MYOF: variants seen among roughly 807,000 people sequenced by gnomAD.
The protein encoded by MYOF is myoferlin, also known as fer-1-like 3, myoferlin.
MYOF carries 244 observed loss-of-function variants against 284.2 expected under a neutral mutation model. The observed-to-expected ratio is 0.86, with a 90% CI of 0.77 to 0.95. The LOEUF is 0.95. Ranked by LOEUF, MYOF falls within the 40% of genes least tolerant of loss-of-function variation. MYOF has a pLI of 0.00. For synonymous variants in MYOF, 904 were observed against 919.7 expected, an observed-to-expected ratio of 0.98 and a Z score of 0.31; for missense variants, 2,496 against 2,560.6, an observed-to-expected ratio of 0.97 and a Z score of 0.54.
At chr10:93,457,764 C>T (rs1341192307) in intron 1 of MYOF, among the ~76,000 whole-genome samples, 4 of 146,692 alleles carry the variant, frequency 2.7e-5, no homozygotes, top group Non-Finnish European at 4.5e-5. Context: ...GACAGGGTCT[C>T]GCGAGGTCGC....
At chr10:93,481,061 T>C (rs1167845922) in intron 1 of MYOF, among the ~76,000 whole-genome samples, 1 of 152,016 alleles carries the variant, frequency 6.6e-6, no homozygotes, top group Non-Finnish European at 1.5e-5. Context: ...ACAAACAAAA[T>C]AGATAAAGCC....
In MYOF at chr10:93,408,770, C is replaced by A; in HGVS notation, c.729+17G>T. 1 of 1,613,960 alleles carries A rather than the reference C, an allele frequency of 6.2e-7. No homozygotes were observed. The highest frequency in any genetic ancestry group is 1.1e-5 in the South Asian group (1 of 91,054). ...GTGGGACTCATGAGCAGAAACATGCCCTCTCAACCCCTTTACCTCATCAAA... is the reference window on the plus strand; with the variant it reads ...GTGGGACTCATGAGCAGAAACATGCACTCTCAACCCCTTTACCTCATCAAA... On this transcript the variant is annotated intron_variant, in intron 7 of 53. Coordinates refer to ENST00000359263, the MANE Select transcript of MYOF (RefSeq NM_013451.4).
chr10:93,366,699 T>C, intron 25 of MYOF, 144 bp from the exon 26 acceptor site: 2 of 642,374 alleles, frequency 3.1e-6, no homozygotes, highest in Non-Finnish European at 5.2e-6. Flanking sequence ...GGTATGGACC[T>C]AACTTGAGCT....
At chr10:93,415,437 T>C (rs958194111) in intron 5 of MYOF, among the ~76,000 whole-genome samples, 41 of 152,200 alleles carry the variant, frequency 2.7e-4, no homozygotes, top group African/African-American at 8.2e-4. Flanking sequence ...CCCAAAACTT[T>C]CCTGAATCCT....
intron 35 of MYOF, among the ~76,000 whole-genome samples, chr10:93,350,376 G>T (rs533520123): frequency 6.6e-6 from 1 of 151,736 alleles, no homozygotes; most frequent in Admixed American, 6.6e-5. Context: ...ACAGTGGCAC[G>T]AACTAGGCTC....
rs917340345 is a variant in MYOF, at chr10:93,322,839, CAAAG to C, written c.5456+235_5456+238del. 5.9e-5 allele frequency among the ~76,000 whole-genome samples: 9 copies of C among 152,212 alleles called. No individual in the cohort carries two copies. In the East Asian group the frequency reaches 1.4e-3, roughly 23 times the overall value. On this transcript the variant is annotated intron_variant, in intron 48 of 53. Coordinates refer to ENST00000359263, the MANE Select transcript of MYOF (RefSeq NM_013451.4). Reference sequence around the variant, plus strand: ...AAAATCCATTTTGTCAAAAAGGAAACAAAGAAATATTTATCAGTTCTTATAATCC... The same window carrying C: ...AAAATCCATTTTGTCAAAAAGGAAACAAATATTTATCAGTTCTTATAATCC...
chr10:93,333,436 C>A, intron 42 of MYOF, 124 bp from the exon 43 acceptor site: 1 of 881,474 alleles, frequency 1.1e-6, no homozygotes, highest in South Asian at 1.5e-5. Flanking sequence ...CGCCATGGCA[C>A]CCCGTGCCTA....
intron 2 of MYOF, among the ~76,000 whole-genome samples, chr10:93,452,579 T>A (rs570399119): frequency 2.5e-4 from 34 of 137,100 alleles, no homozygotes; most frequent in Admixed American, 1.5e-3. Context: ...GGGGGAGGGA[T>A]AGCATTAGGA....
chr10:93,464,281 C>T (rs1272575987), intron 1 of MYOF, among the ~76,000 whole-genome samples: 2 of 152,196 alleles, frequency 1.3e-5, no homozygotes, highest in Admixed American at 6.5e-5. Context: ...CTGGCCCGCC[C>T]TGCAAATTTC....
At position 93,482,135 on chromosome 10, in the gene MYOF, C is replaced by T. The variant is rs765518488; in HGVS notation, c.60G>A (p.Pro20=). The change falls in exon 1 of 54, where the codon CCG becomes CCA. Residue 20 remains proline (P), a synonymous_variant. Coordinates refer to ENST00000359263, the MANE Select transcript of MYOF (RefSeq NM_013451.4). ...SNIPKTKFGK[P]DPIVSVIFKD... Reference sequence around the variant, plus strand: ...TAAAAATGACAGAAACAATAGGATCCGGCTTGCCAAATTTCGTTTTAGGGA... The same window carrying T: ...TAAAAATGACAGAAACAATAGGATCTGGCTTGCCAAATTTCGTTTTAGGGA... 1.8e-5 allele frequency: 29 copies of T among 1,614,036 alleles called. No homozygotes were observed. In the South Asian group the frequency reaches 2.3e-4, roughly 13 times the overall value.
At position 93,337,901 on chromosome 10, in the gene MYOF, C is replaced by T. The variant is rs747022058; in HGVS notation, c.4351G>A (p.Val1451Met). 28 of 1,613,558 alleles carry T rather than the reference C, an allele frequency of 1.7e-5. No individual in the cohort carries two copies. Among genetic ancestry groups the T allele is most frequent in the South Asian group, 7.7e-5 (7 of 91,050 alleles). ...SKLTEKEEEI[V>M]DWWSKFYASS... ...GCATAAAATTTACTCCACCAGTCCA[C>T]GATTTCTTCCTCCTAAAGACATGCC... is the stretch of plus-strand genomic sequence containing the variant. The change falls in exon 40 of 54, where the codon GTG becomes ATG. Residue 1451 changes from valine (V) to methionine (M), a missense_variant. Physicochemically the swap from Val to Met is conservative, Grantham distance 21. Transcript: ENST00000359263.
chr10:93,400,719 A>T (rs754711686), intron 12 of MYOF, among the ~76,000 whole-genome samples: 3 of 152,152 alleles, frequency 2.0e-5, no homozygotes, highest in Non-Finnish European at 4.4e-5. Flanking sequence ...CAGAGGGATA[A>T]CCACACTAGT....
Position 93,381,269 on chromosome 10 carries a change from G to A in MYOF, c.1826C>T (p.Thr609Ile), listed in dbSNP as rs1282189695. The A allele has an allele frequency of 3.7e-6, 6 of 1,614,100 alleles. No individual in the cohort carries two copies. The Admixed American group carries it at 1.0e-4, about 27-fold the overall frequency. Residue 609 changes from threonine to isoleucine, a missense_variant, in exon 20 of 54, where the codon ACC becomes ATC. Transcript: ENST00000359263. Reference protein sequence around the residue: ...IGNYGNKFDTTCKPLASTTQY... With the variant: ...IGNYGNKFDTICKPLASTTQY... ...AGTTGTTGATGCCAAAGGCTTACAG[G>A]TGGTGTCAAACTTGTTGCCATAGTT...
At chr10:93,356,038 G>C (rs1356503959) in intron 30 of MYOF, among the ~76,000 whole-genome samples, 3 of 152,088 alleles carry the variant, frequency 2.0e-5, no homozygotes, top group African/African-American at 7.2e-5. Context: ...GGATAAACAG[G>C]GAGTAAAAGG....
chr10:93,316,504 C>T (rs1221568245), intron 50 of MYOF, among the ~76,000 whole-genome samples: 1 of 151,958 alleles, frequency 6.6e-6, no homozygotes, highest in Non-Finnish European at 1.5e-5. Context: ...GGTGCAAGAC[C>T]CTCACCAGAG....
chr10:93,369,082 C>CTCTATTGTTTTAGAAGT (rs1845455904), intron 25 of MYOF, among the ~76,000 whole-genome samples: 1 of 119,876 alleles, frequency 8.3e-6, no homozygotes, highest in South Asian at 3.1e-4. Flanking sequence ...TACAAATTAT[C>CTCTATTGTTTTAGAAGT]TCTATTGTTT....
chr10:93,468,893 C>T (rs369671341), intron 1 of MYOF, among the ~76,000 whole-genome samples: 32 of 152,208 alleles, frequency 2.1e-4, no homozygotes, highest in Middle Eastern at 6.8e-3. Flanking sequence ...AATGAGAAGA[C>T]GCCAAGCACA....
At chr10:93,394,500 G>A (rs563295315) in intron 16 of MYOF, among the ~76,000 whole-genome samples, 3 of 104,002 alleles carry the variant, frequency 2.9e-5, no homozygotes, top group Non-Finnish European at 3.6e-5. Context: ...TTGCTCTGTC[G>A]CCCAGGCTGG....
At chr10:93,320,896 T>C (rs935583832) in intron 48 of MYOF, among the ~76,000 whole-genome samples, 7 of 152,100 alleles carry the variant, frequency 4.6e-5, no homozygotes, top group Non-Finnish European at 8.8e-5. Context: ...AGATTCATGG[T>C]AGGAGGCAGG....
Sources: allele counts gnomAD v4.1 joint callset (sites outside exome capture counted in the v4.1 genomes callset), GRCh38; gene constraint gnomAD v4.1.1; transcripts MANE v1.5; gene names NCBI Gene and HGNC (gene_info 2026-07-23, HGNC 2026-07-21).